The following RCSD1 variants were observed in gnomAD, a reference collection of about 807,000 sequenced individuals.
RCSD1 encodes the protein RCSD domain containing 1, also known as capZ-interacting protein.
Under a neutral mutation model 42.5 loss-of-function variants are expected in RCSD1, and 26 were observed. The observed-to-expected ratio is 0.61, with a 90% CI of 0.45 to 0.85. The LOEUF (loss-of-function observed/expected upper bound fraction) is 0.85. Ranked by LOEUF, RCSD1 falls within the 40% of genes least tolerant of loss-of-function variation. The pLI, the probability that RCSD1 is intolerant of heterozygous loss-of-function variation, is 0.00. For synonymous variants in RCSD1, 220 were observed against 212.2 expected (o/e 1.04, Z -0.32); for missense variants, 571 against 528.3 (o/e 1.08, Z -0.79).
intron 4 of RCSD1, 31 bp from the exon 5 acceptor site, chr1:167,694,068 C>T (rs1386513216): frequency 6.2e-7 from 1 of 1,607,958 alleles, no homozygotes; most frequent in Admixed American, 1.7e-5. Flanking sequence ...CTCCCTAGTC[C>T]TATTTGAAAT....
At chr1:167,637,829 T>C (rs1392823710) in intron 1 of RCSD1, among the ~76,000 whole-genome samples, 1 of 151,878 alleles carries the variant, frequency 6.6e-6, no homozygotes, top group Non-Finnish European at 1.5e-5. Context: ...ATGGCCACAC[T>C]TCCTGTACAC....
intron 1 of RCSD1, among the ~76,000 whole-genome samples, chr1:167,651,048 G>C (rs1043283907): frequency 6.6e-6 from 1 of 152,282 alleles, no homozygotes; most frequent in African/African-American, 2.4e-5. Context: ...TCTTCTCTCT[G>C]TGCGTGTCTG....
chr1:167,634,376 A>T (rs1657777909), intron 1 of RCSD1, among the ~76,000 whole-genome samples: 1 of 141,692 alleles, frequency 7.1e-6, no homozygotes, highest in Non-Finnish European at 1.6e-5. Context: ...AAGGAAGATC[A>T]GGGTTTTTTT....
intron 1 of RCSD1, among the ~76,000 whole-genome samples, chr1:167,676,477 C>G (rs548962851): frequency 6.6e-6 from 1 of 152,370 alleles, no homozygotes; most frequent in East Asian, 1.9e-4. Context: ...AGAAGCAAGA[C>G]TGAAACCCAG....
intron 1 of RCSD1, among the ~76,000 whole-genome samples, chr1:167,649,510 A>G (rs1263422370): frequency 2.6e-5 from 4 of 152,216 alleles, no homozygotes; most frequent in African/African-American, 7.2e-5. Context: ...TGGCCTCACC[A>G]CTTGTTTTAT....
chr1:167,689,775 TG>T (rs1039545687), intron 3 of RCSD1, among the ~76,000 whole-genome samples: 2 of 152,182 alleles, frequency 1.3e-5, no homozygotes, highest in African/African-American at 4.8e-5. Flanking sequence ...ATAACAACAA[TG>T]AAGTCACTCT....
intron 1 of RCSD1, among the ~76,000 whole-genome samples, chr1:167,645,495 C>T (rs944609733): frequency 5.3e-5 from 8 of 152,242 alleles, no homozygotes; most frequent in Admixed American, 5.2e-4. Context: ...AGCAACAAGA[C>T]CACGAGGCTG....
chr1:167,693,994 T>C (rs1659437450), intron 4 of RCSD1, 105 bp from the exon 5 acceptor site: 2 of 1,021,804 alleles, frequency 2.0e-6, no homozygotes, highest in Non-Finnish European at 3.0e-6. Context: ...AAGCCTGGTG[T>C]TACCTAGTCT....
chr1:167,638,066 C>T (rs891225582), intron 1 of RCSD1, among the ~76,000 whole-genome samples: 1 of 152,180 alleles, frequency 6.6e-6, no homozygotes, highest in Non-Finnish European at 1.5e-5. Flanking sequence ...TGAGCCTCCC[C>T]GCTAGACCCT....
chr1:167,675,477 C>T (rs1237843884), intron 1 of RCSD1, among the ~76,000 whole-genome samples: 2 of 152,098 alleles, frequency 1.3e-5, no homozygotes, highest in Non-Finnish European at 2.9e-5. Context: ...TCAATTACCT[C>T]CCACCTGGTC....
chr1:167,669,240 G>A (rs901151636), intron 1 of RCSD1, among the ~76,000 whole-genome samples: 1 of 152,264 alleles, frequency 6.6e-6, no homozygotes, highest in Non-Finnish European at 1.5e-5. Flanking sequence ...ATTTGATCAA[G>A]TGACCATGTA....
intron 1 of RCSD1, among the ~76,000 whole-genome samples, chr1:167,673,374 T>C (rs1266749074): frequency 2.0e-5 from 3 of 152,246 alleles, no homozygotes; most frequent in African/African-American, 7.2e-5. Flanking sequence ...TCCCTCATCA[T>C]CTCGGCTTAA....
rs1472572919 is a variant in RCSD1 at position 167,693,201 on chromosome 1, T to C, written c.271-898T>C. On this transcript the variant is annotated intron_variant, in intron 4 of 6. Coordinates refer to ENST00000367854, the MANE Select transcript of RCSD1 (RefSeq NM_052862.4). ...GAGGCTCTGTCTCCTGGTTCGGCAC[T>C]GCCACAGGGTCTGCAGGACGCAGCT... 2.0e-5 allele frequency among the ~76,000 whole-genome samples: 3 copies of C among 152,214 alleles called. No individual in the cohort carries two copies. In the East Asian group the frequency reaches 5.8e-4, roughly 29 times the overall value.
At chr1:167,687,209 C>T (rs1248712531) in intron 3 of RCSD1, among the ~76,000 whole-genome samples, 1 of 152,194 alleles carries the variant, frequency 6.6e-6, no homozygotes, top group Admixed American at 6.5e-5. Flanking sequence ...CTCCAGGGAT[C>T]AATGACTTTT....
intron 1 of RCSD1, among the ~76,000 whole-genome samples, chr1:167,665,709 T>C (rs1018540318): frequency 6.6e-6 from 1 of 152,266 alleles, no homozygotes; most frequent in Non-Finnish European, 1.5e-5. Context: ...GTTTACCTAA[T>C]GACTAATGTG....
chr1:167,657,920 C>T (rs927014988), intron 1 of RCSD1, among the ~76,000 whole-genome samples: 2 of 151,728 alleles, frequency 1.3e-5, no homozygotes, highest in South Asian at 2.1e-4. Context: ...CACACATGCA[C>T]GTTTTATTTT....
chr1:167,643,943 T>G (rs979634274), intron 1 of RCSD1, among the ~76,000 whole-genome samples: 1 of 152,202 alleles, frequency 6.6e-6, no homozygotes, highest in African/African-American at 2.4e-5. Flanking sequence ...GAAGTTCTCC[T>G]CCAGCCTGAG....
chr1:167,673,507 C>G (rs1658863229), intron 1 of RCSD1, among the ~76,000 whole-genome samples: 1 of 152,194 alleles, frequency 6.6e-6, no homozygotes, highest in African/African-American at 2.4e-5. Context: ...TGAGTGTTGG[C>G]TATGATGGCT....
intron 4 of RCSD1, among the ~76,000 whole-genome samples, chr1:167,691,364 T>A (rs1184631560): frequency 6.6e-6 from 1 of 152,184 alleles, no homozygotes; most frequent in African/African-American, 2.4e-5. Context: ...GAAACACCTA[T>A]GTCCTGAGCC....
Sources: allele counts gnomAD v4.1 joint callset (sites outside exome capture counted in the v4.1 genomes callset), GRCh38; gene constraint gnomAD v4.1.1; transcripts MANE v1.5; gene names NCBI Gene and HGNC (gene_info 2026-07-23, HGNC 2026-07-21).